Variants in OR9Q1 observed in about 807,000 individuals in gnomAD.
The protein encoded by OR9Q1 is olfactory receptor 9Q1.
For synonymous variants in OR9Q1, 153 were observed against 148.6 expected (o/e 1.03, Z -0.22); for missense variants, 374 against 378.8 (o/e 0.99, Z 0.11).
intron 1 of OR9Q1, among the ~76,000 whole-genome samples, chr11:58,034,615 T>C (rs569658579): frequency 6.6e-6 from 1 of 152,232 alleles, no homozygotes; most frequent in African/African-American, 2.4e-5. Context: ...GCAGAAACCA[T>C]TTGCCAACCC....
At chr11:58,053,754 G>C (rs915302680) in intron 1 of OR9Q1, among the ~76,000 whole-genome samples, 9 of 148,276 alleles carry the variant, frequency 6.1e-5, no homozygotes, top group Admixed American at 2.0e-4. Context: ...TCATGGCTGA[G>C]ACACTCTTGG....
chr11:58,168,320 C>G (rs1236197318), intron 2 of OR9Q1, among the ~76,000 whole-genome samples: 1 of 152,142 alleles, frequency 6.6e-6, no homozygotes, highest in African/African-American at 2.4e-5. Context: ...TGTTTTCACT[C>G]CATATTTGTG....
At chr11:58,120,219 G>A (rs936732281) in intron 2 of OR9Q1, among the ~76,000 whole-genome samples, 7 of 151,856 alleles carry the variant, frequency 4.6e-5, no homozygotes, top group Non-Finnish European at 7.4e-5. Context: ...GTTCAAACTC[G>A]TGGACTTGCT....
intron 2 of OR9Q1, among the ~76,000 whole-genome samples, chr11:58,081,098 T>C (rs1179262405): frequency 3.3e-5 from 5 of 152,076 alleles, no homozygotes; most frequent in African/African-American, 2.4e-5. Flanking sequence ...ATAGTTTGCT[T>C]AGAATGATGG....
rs116197620 is a variant in OR9Q1, at chr11:58,130,984, T to A, written c.-14-48447T>A. Among the ~76,000 whole-genome samples, 1,101 of 152,258 alleles carry A rather than the reference T, an allele frequency of 7.2e-3. 8 individuals carry two copies. The highest frequency in any genetic ancestry group is 0.026 in the African/African-American group (1,062 of 41,554). On this transcript the variant is annotated intron_variant, in intron 2 of 2. Coordinates refer to ENST00000335397, the MANE Select transcript of OR9Q1 (RefSeq NM_001005212.4). The stretch of plus-strand genomic sequence containing the variant: ...TAATCATGGTACTGTTATTTCATAA[T>A]AAAAAATTGAAAATACCAAAGTGAC...
intron 2 of OR9Q1, among the ~76,000 whole-genome samples, chr11:58,063,749 C>T (rs767317950): frequency 1.3e-5 from 2 of 152,078 alleles, no homozygotes; most frequent in Non-Finnish European, 2.9e-5. Context: ...CAGTCAGGTA[C>T]CGTTCAGGCA....
chr11:58,171,004 G>T (rs1854549374), intron 2 of OR9Q1: 1 of 152,148 alleles, frequency 6.6e-6, no homozygotes, highest in African/African-American at 2.4e-5. Context: ...AATTATGGAG[G>T]TCAAACAAGG....
intron 2 of OR9Q1, among the ~76,000 whole-genome samples, chr11:58,136,334 A>G (rs1057026399): frequency 6.6e-6 from 1 of 152,150 alleles, no homozygotes; most frequent in Non-Finnish European, 1.5e-5. Flanking sequence ...TTAAGGATGC[A>G]CTTTCTTCCT....
intron 2 of OR9Q1, among the ~76,000 whole-genome samples, chr11:58,138,319 T>A (rs949127857): frequency 6.6e-6 from 1 of 152,176 alleles, no homozygotes. Context: ...ATGGCCACAG[T>A]GTAAGCTAAT....
At chr11:58,026,743 T>C (rs1852978380) in intron 1 of OR9Q1, 1 of 151,830 alleles carries the variant, frequency 6.6e-6, no homozygotes, top group African/African-American at 2.4e-5. Flanking sequence ...TGTGTCATTC[T>C]TGTTCAGGGG....
intron 1 of OR9Q1, among the ~76,000 whole-genome samples, chr11:58,046,470 C>T (rs1018926603): frequency 3.3e-5 from 5 of 152,124 alleles, no homozygotes; most frequent in African/African-American, 1.2e-4. Flanking sequence ...GTGAAAAATG[C>T]TATTGTTGCT....
chr11:58,063,589 A>C (rs1260740907), intron 2 of OR9Q1, among the ~76,000 whole-genome samples: 1 of 152,182 alleles, frequency 6.6e-6, no homozygotes, highest in African/African-American at 2.4e-5. Flanking sequence ...GGTGTGACTG[A>C]CTGACGATAG....
intron 2 of OR9Q1, among the ~76,000 whole-genome samples, chr11:58,068,182 CAAAAA>C (rs3035014): frequency 6.9e-6 from 1 of 145,768 alleles, no homozygotes; most frequent in Admixed American, 6.8e-5. Context: ...TACAAAAATA[CAAAAA>C]AAAAAAAAAA....
chr11:58,060,777 C>T (rs1219226806), intron 2 of OR9Q1, among the ~76,000 whole-genome samples: 1 of 142,968 alleles, frequency 7.0e-6, no homozygotes, highest in Non-Finnish European at 1.5e-5. Flanking sequence ...AAGAAAGAGT[C>T]ATGAAATTAA....
At chr11:58,068,568 G>C (rs1000773727) in intron 2 of OR9Q1, among the ~76,000 whole-genome samples, 3 of 152,018 alleles carry the variant, frequency 2.0e-5, no homozygotes, top group African/African-American at 7.3e-5. Flanking sequence ...CCTGACCCAG[G>C]GCCAGATATT....
intron 2 of OR9Q1, among the ~76,000 whole-genome samples, chr11:58,101,407 A>G (rs1853782441): frequency 6.6e-6 from 1 of 152,112 alleles, no homozygotes; most frequent in African/African-American, 2.4e-5. Flanking sequence ...ATTGTTTCAT[A>G]TGTTTGTTGG....
In OR9Q1 at chr11:58,179,937, A is replaced by C; in HGVS notation, c.493A>C (p.Thr165Pro). ...CTTGGTGCGGACAGTCTCAGCCTTC[A>C]CTCTCTCCTTCTGTGGAACCAGTGA... ...SALVRTVSAF[T>P]LSFCGTSEID... is the part of the protein sequence containing the mutation. The change falls in exon 3 of 3, where the codon ACT becomes CCT. Residue 165 changes from threonine (T) to proline (P), a missense_variant. Transcript: ENST00000335397. The C allele has an allele frequency of 6.2e-7, 1 of 1,613,360 alleles. No homozygotes were observed.
intron 2 of OR9Q1, among the ~76,000 whole-genome samples, chr11:58,134,403 G>A (rs767870924): frequency 5.3e-5 from 8 of 152,176 alleles, no homozygotes; most frequent in African/African-American, 1.9e-4. Context: ...CTCTTTGTAT[G>A]TGGACAATCC....
At chr11:58,088,788 A>G (rs1853657182) in intron 2 of OR9Q1, among the ~76,000 whole-genome samples, 1 of 151,686 alleles carries the variant, frequency 6.6e-6, no homozygotes, top group South Asian at 2.1e-4. Flanking sequence ...GTTCACTCTG[A>G]TGATATTTTC....
Sources: gnomAD v4.1 joint callset for allele counts (sites outside exome capture counted in the v4.1 genomes callset) on GRCh38, gnomAD v4.1.1 for gene constraint, MANE v1.5 for transcripts, NCBI Gene and HGNC (gene_info 2026-07-23, HGNC 2026-07-21) for gene names.